The following PDGFRL variants were observed in gnomAD, a reference collection of about 807,000 sequenced individuals.
PDGFRL encodes platelet derived growth factor receptor like, also known as platelet-derived growth factor receptor-like protein.
PDGFRL carries 46 observed loss-of-function variants against 37.2 expected under a neutral mutation model. That is an observed-to-expected ratio of 1.24 (90% CI 0.98 to 1.58). PDGFRL has a LOEUF of 1.58. Among genes scored for constraint, PDGFRL ranks in the 40% most tolerant of loss-of-function variants. The probability of loss-of-function intolerance (pLI) is 0.00; values close to 1 mark genes in which losing one functional copy is unlikely to be tolerated. For synonymous variants in PDGFRL, 251 were observed against 184.3 expected, an observed-to-expected ratio of 1.36 and a Z score of -2.93; for missense variants, 692 against 467.6, an observed-to-expected ratio of 1.48 and a Z score of -4.43.
chr8:17,595,581 G>A (rs1435058751), intron 2 of PDGFRL, among the ~76,000 whole-genome samples: 3 of 152,182 alleles, frequency 2.0e-5, no homozygotes, highest in African/African-American at 7.2e-5. Flanking sequence ...AAGAGCCAGG[G>A]CAGCCAGGGT....
At chr8:17,620,482 T>C (rs930808819) in intron 2 of PDGFRL, among the ~76,000 whole-genome samples, 10 of 152,226 alleles carry the variant, frequency 6.6e-5, no homozygotes, top group Non-Finnish European at 1.2e-4. Flanking sequence ...TTCCCATTAT[T>C]AATTTCTTAC....
chr8:17,631,088 C>A (rs775238636), intron 4 of PDGFRL, among the ~76,000 whole-genome samples: 2 of 152,068 alleles, frequency 1.3e-5, no homozygotes, highest in South Asian at 2.1e-4. Flanking sequence ...TCTTTTGCCC[C>A]GGGCTGATGG....
At chr8:17,640,172 T>C (rs934330233) in intron 5 of PDGFRL, among the ~76,000 whole-genome samples, 1 of 151,602 alleles carries the variant, frequency 6.6e-6, no homozygotes, top group Non-Finnish European at 1.5e-5. Context: ...TGAAGATTTT[T>C]CCCTTCATAT....
At chr8:17,610,039 T>C (rs570519555) in intron 2 of PDGFRL, among the ~76,000 whole-genome samples, 17 of 152,226 alleles carry the variant, frequency 1.1e-4, no homozygotes, top group African/African-American at 3.9e-4. Context: ...CCAGGCCCCA[T>C]GGCTGTTGCA....
At chr8:17,617,523 C>T (rs771782155) in intron 2 of PDGFRL, among the ~76,000 whole-genome samples, 19 of 152,134 alleles carry the variant, frequency 1.2e-4, no homozygotes, top group Non-Finnish European at 1.0e-4. Flanking sequence ...CAGAGGCCCT[C>T]GGTCACTTCC....
At chr8:17,584,876 G>A (rs1327791630) in intron 1 of PDGFRL, among the ~76,000 whole-genome samples, 4 of 152,038 alleles carry the variant, frequency 2.6e-5, no homozygotes, top group African/African-American at 9.7e-5. Flanking sequence ...GAAAGTAAAG[G>A]AATAAAAGAA....
chr8:17,606,696 C>G lies in PDGFRL; in HGVS notation c.354-14355C>G, dbSNP rs1804284808. 1.1e-4 allele frequency among the ~76,000 whole-genome samples: 3 copies of G among 27,956 alleles called. No homozygotes were observed. In the South Asian group the frequency reaches 0.013, roughly 123 times the overall value. 18.3% of individuals were successfully genotyped at this position (27,956 alleles called of 152,430 possible). A position where few individuals can be genotyped will look rare whatever the true frequency, so the allele number is the denominator to read the frequency against. ...CAGAAAAACACAGCTATGTTCCGTTCAGGACAAGGGTGGGGGGCAGGTAAT... is the reference window on the plus strand; with the variant it reads ...CAGAAAAACACAGCTATGTTCCGTTGAGGACAAGGGTGGGGGGCAGGTAAT... On this transcript the variant is annotated intron_variant, in intron 2 of 5. Transcript: ENST00000251630.
chr8:17,611,223 C>T (rs1804405325), intron 2 of PDGFRL, among the ~76,000 whole-genome samples: 2 of 152,168 alleles, frequency 1.3e-5, no homozygotes, highest in South Asian at 4.1e-4. Context: ...TTTAAGGTCC[C>T]TCTCAGTTCT....
intron 1 of PDGFRL, among the ~76,000 whole-genome samples, chr8:17,584,599 C>T (rs918080211): frequency 1.3e-5 from 2 of 152,010 alleles, no homozygotes; most frequent in Admixed American, 1.3e-4. Flanking sequence ...TCCTGCGAGC[C>T]ATGTGAATCG....
rs369602111 is a variant in PDGFRL, at chr8:17,577,229, G to T, written c.-24G>T. ...CCCCGCGCAGCCGCCGCGCTCCTGC[G>T]CTCCGAGGTCCGAGGTTCCCGAGAT... On this transcript the variant is annotated 5_prime_UTR_variant, in exon 1 of 6. Coordinates refer to ENST00000251630, the MANE Select transcript of PDGFRL (RefSeq NM_001372073.1). 1.2e-6 allele frequency: 2 copies of T among 1,609,108 alleles called. No individual in the cohort carries two copies. The highest frequency in any genetic ancestry group is 1.7e-5 in the Admixed American group (1 of 59,568).
At chr8:17,614,630 G>C (rs568638150) in intron 2 of PDGFRL, among the ~76,000 whole-genome samples, 1 of 152,184 alleles carries the variant, frequency 6.6e-6, no homozygotes, top group Non-Finnish European at 1.5e-5. Flanking sequence ...CCAGGCTGGA[G>C]TGTAGTGGCA....
intron 3 of PDGFRL, among the ~76,000 whole-genome samples, chr8:17,623,377 T>C (rs184358502): frequency 6.6e-6 from 1 of 152,340 alleles, no homozygotes; most frequent in Non-Finnish European, 1.5e-5. Context: ...ATGTGCCCTT[T>C]GTATTATACC....
intron 2 of PDGFRL, among the ~76,000 whole-genome samples, chr8:17,595,073 G>A (rs991128804): frequency 2.0e-5 from 3 of 152,090 alleles, no homozygotes; most frequent in African/African-American, 7.2e-5. Context: ...ACACAAGCCG[G>A]GTCAGGAGCA....
chr8:17,615,975 G>T lies in PDGFRL; in HGVS notation c.354-5076G>T, dbSNP rs1051534021. Among the ~76,000 whole-genome samples the T allele has an allele frequency of 3.9e-5, 6 of 152,280 alleles. No homozygotes were observed. In the East Asian group the frequency reaches 1.2e-3, roughly 29 times the overall value. On this transcript the variant is annotated intron_variant, in intron 2 of 5. Coordinates refer to ENST00000251630, the MANE Select transcript of PDGFRL (RefSeq NM_001372073.1). Reference sequence around the variant, plus strand: ...AGATGCTGTTCTAAGTCCTGAACTTGTTTACGGAGCTTGGCAGCGTGCCTG... The same window carrying T: ...AGATGCTGTTCTAAGTCCTGAACTTTTTTACGGAGCTTGGCAGCGTGCCTG...
At chr8:17,642,541 T>C (rs1805156464) in intron 5 of PDGFRL, 72 bp from the exon 6 acceptor site, 1 of 867,442 alleles carries the variant, frequency 1.2e-6, no homozygotes, top group Non-Finnish European at 2.0e-6. Context: ...CGCTCAACAG[T>C]GTTGGGTGAG....
intron 5 of PDGFRL, among the ~76,000 whole-genome samples, chr8:17,637,272 C>T (rs1448379671): frequency 6.6e-6 from 1 of 152,076 alleles, no homozygotes; most frequent in Admixed American, 6.5e-5. Context: ...GCCAATTTTG[C>T]TGAGGGTTTT....
chr8:17,636,991 C>T (rs11776407), intron 5 of PDGFRL, among the ~76,000 whole-genome samples: 119,869 of 152,146 alleles, frequency 0.79, 49,030 homozygotes, highest in Non-Finnish European at 0.91. Flanking sequence ...CTAAATTCAT[C>T]TATCAGTTCT....
chr8:17,595,409 G>A (rs372871882), intron 2 of PDGFRL, among the ~76,000 whole-genome samples: 2 of 152,148 alleles, frequency 1.3e-5, no homozygotes, highest in Admixed American at 1.3e-4. Flanking sequence ...TCCTGTTCTC[G>A]GGTAGGGGCC....
chr8:17,622,423 TAGACC>T (rs1804653113), intron 3 of PDGFRL, among the ~76,000 whole-genome samples: 1 of 63,798 alleles, frequency 1.6e-5, no homozygotes, highest in Non-Finnish European at 3.3e-5. Context: ...GACATAGGCC[TAGACC>T]TAGACATAGG....
Sources: allele counts gnomAD v4.1 joint callset (sites outside exome capture counted in the v4.1 genomes callset), GRCh38; gene constraint gnomAD v4.1.1; transcripts MANE v1.5; gene names NCBI Gene and HGNC (gene_info 2026-07-23, HGNC 2026-07-21).